The following GGH variants were observed in gnomAD, a reference collection of about 807,000 sequenced individuals.
GGH encodes the protein gamma-Glu-X carboxypeptidase.
A neutral mutation model predicts 39.2 loss-of-function variants in GGH; 18 were observed. The observed-to-expected ratio is 0.46, with a 90% confidence interval of 0.32 to 0.68. The LOEUF (loss-of-function observed/expected upper bound fraction) is 0.68, where lower values mean the gene tolerates loss of function less well. GGH is among the 30% of genes least tolerant of loss of function. GGH has a pLI of 0.04. For synonymous variants in GGH, 147 were observed against 138.8 expected, an observed-to-expected ratio of 1.06 and a Z score of -0.42; for missense variants, 367 against 384.1, an observed-to-expected ratio of 0.96 and a Z score of 0.37.
In GGH at chr8:63,035,703, G is replaced by A; in HGVS notation, c.177C>T (p.Ser59=). The change falls in exon 2 of 9, where the codon TCC becomes TCT. Residue 59 remains serine, a synonymous_variant. Transcript: ENST00000260118. ...CTGCAGACTCCAAGTACTTTACATA[G>A]GACGCAGCAATATAGTATCTTCCAT... ...KNYGRYYIAA[S]YVKYLESAGA... is the part of the protein sequence containing the mutation. 6.2e-7 allele frequency: 1 copy of A among 1,612,926 alleles called. No individual in the cohort carries two copies. The highest frequency in any genetic ancestry group is 8.5e-7 in the Non-Finnish European group (1 of 1,179,866).
At chr8:63,028,847 G>C (rs1419203872) in intron 3 of GGH, among the ~76,000 whole-genome samples, 1 of 152,152 alleles carries the variant, frequency 6.6e-6, no homozygotes, top group African/African-American at 2.4e-5. Flanking sequence ...CTCCAAACAG[G>C]AATGCAACTG....
chr8:63,034,877 A>G (rs903874062), intron 2 of GGH, among the ~76,000 whole-genome samples: 1 of 152,216 alleles, frequency 6.6e-6, no homozygotes, highest in South Asian at 2.1e-4. Context: ...TAGATTCATT[A>G]AAATTTTTTT....
At chr8:63,021,868 T>C (rs2129645775) in intron 7 of GGH, among the ~76,000 whole-genome samples, 1 of 152,104 alleles carries the variant, frequency 6.6e-6, no homozygotes, top group Admixed American at 6.5e-5. Flanking sequence ...GAGACGGGGT[T>C]TCGCCATGTT....
rs1563672687 is a variant in GGH, at chr8:63,038,700, C to G, written c.69G>C (p.Leu23=). 8 of 1,583,862 alleles carry G rather than the reference C, an allele frequency of 5.1e-6. No homozygotes were observed. Among genetic ancestry groups the G allele is most frequent in the Non-Finnish European group, 6.9e-6 (8 of 1,164,976 alleles). ...TGGCGGTGTCGCCGTGGGGTCTAGACAGCTCGAGGCTCGCCGCCCCGCAGA... is the reference window on the plus strand; with the variant it reads ...TGGCGGTGTCGCCGTGGGGTCTAGAGAGCTCGAGGCTCGCCGCCCCGCAGA... ...LLLCGAASLE[L]SRPHGDTAKK... The change falls in exon 1 of 9, where the codon CTG becomes CTC. Residue 23 remains leucine, a synonymous_variant. Coordinates refer to ENST00000260118, the MANE Select transcript of GGH (RefSeq NM_003878.3).
At position 63,015,456 on chromosome 8, in the gene GGH, G is replaced by T; in HGVS notation, c.836-3C>A. 6.5e-7 allele frequency: 1 copy of T among 1,529,716 alleles called. No individual in the cohort carries two copies. The highest frequency in any genetic ancestry group is 8.9e-7 in the Non-Finnish European group (1 of 1,126,166). 94.8% of individuals were successfully genotyped at this position (1,529,716 alleles called of 1,614,324 possible). On this transcript the variant is annotated splice_region_variant and splice_polypyrimidine_tract_variant and intron_variant, in intron 8 of 8. Transcript: ENST00000260118. ...AAAATGATGGTTGTTTTTCCGAGCT[G>T]CAAGAAAAAAAGTTAATTTTTAAAA...
intron 2 of GGH, among the ~76,000 whole-genome samples, chr8:63,034,089 C>T (rs963655802): frequency 1.4e-5 from 2 of 147,984 alleles, no homozygotes; most frequent in Non-Finnish European, 3.0e-5. Flanking sequence ...CACTAACATC[C>T]CAGAAGAACA....
chr8:63,036,140 A>G (rs1418333625), intron 1 of GGH, among the ~76,000 whole-genome samples: 1 of 152,170 alleles, frequency 6.6e-6, no homozygotes, highest in Admixed American at 6.5e-5. Context: ...CTGACAACGA[A>G]GCAAAGGAGT....
At chr8:63,023,126 T>A (rs537384391) in intron 7 of GGH, among the ~76,000 whole-genome samples, 1 of 152,168 alleles carries the variant, frequency 6.6e-6, no homozygotes, top group Admixed American at 6.5e-5. Context: ...AAAAACTATT[T>A]ACATTTGCTT....
At chr8:63,037,071 T>G (rs144933878) in intron 1 of GGH, among the ~76,000 whole-genome samples, 1 of 152,202 alleles carries the variant, frequency 6.6e-6, no homozygotes, top group Admixed American at 6.5e-5. Flanking sequence ...TGGAACACTT[T>G]CAGTGTCTCT....
intron 3 of GGH, among the ~76,000 whole-genome samples, chr8:63,029,245 C>G (rs1471166168): frequency 6.6e-6 from 1 of 152,158 alleles, no homozygotes; most frequent in African/African-American, 2.4e-5. Flanking sequence ...TTCACCCCCA[C>G]CTTTAACAAA....
intron 7 of GGH, among the ~76,000 whole-genome samples, chr8:63,019,169 A>G (rs1169205041): frequency 6.6e-6 from 1 of 152,248 alleles, no homozygotes; most frequent in Non-Finnish European, 1.5e-5. Flanking sequence ...TTGTTTCAAG[A>G]AGGAATGAAA....
intron 2 of GGH, among the ~76,000 whole-genome samples, chr8:63,033,705 G>A (rs747331506): frequency 4.2e-4 from 64 of 151,940 alleles, no homozygotes; most frequent in Admixed American, 7.9e-4. Flanking sequence ...GCTGAGGTTT[G>A]GGGTACAAAT....
intron 2 of GGH, among the ~76,000 whole-genome samples, chr8:63,034,730 G>C (rs941082994): frequency 6.6e-6 from 1 of 152,274 alleles, no homozygotes; most frequent in South Asian, 2.1e-4. Context: ...CCACACTGAA[G>C]CAACCCTAAT....
chr8:63,029,402 T>G (rs78315617), intron 3 of GGH, among the ~76,000 whole-genome samples: 75 of 152,296 alleles, frequency 4.9e-4, no homozygotes, highest in African/African-American at 1.7e-3. Flanking sequence ...TTCTATTGAA[T>G]GTACATAGTC....
intron 1 of GGH, among the ~76,000 whole-genome samples, chr8:63,036,648 C>T (rs539838930): frequency 1.3e-5 from 2 of 152,302 alleles, no homozygotes; most frequent in Non-Finnish European, 1.5e-5. Context: ...TAAAACATGA[C>T]ATTTGAGCCA....
rs200069445 is a variant in GGH, at chr8:63,027,583, AAGAC to A, written c.276-322_276-319del. Among the ~76,000 whole-genome samples, 750 of 152,308 alleles carry A rather than the reference AAGAC, an allele frequency of 4.9e-3. 5 individuals are homozygous for A. The highest frequency in any genetic ancestry group is 7.5e-3 in the Admixed American group (115 of 15,288). ...CAAGAGTACACAGAGCTAGACATCA[AAGAC>A]AGACAAAATTCCAGGTATAGCCAGG... On this transcript the variant is annotated intron_variant, in intron 3 of 8. Coordinates refer to ENST00000260118, the MANE Select transcript of GGH (RefSeq NM_003878.3).
rs1418573821 is a variant in GGH, at chr8:63,038,684, C to T, written c.85G>A (p.Asp29Asn). Residue 29 changes from aspartate (D) to asparagine (N), a missense_variant, in exon 1 of 9, where the codon GAC (aspartate) becomes AAC (asparagine). Physicochemically the swap from Asp to Asn is conservative, Grantham distance 23 (BLOSUM62 1). Transcript: ENST00000260118. ...ASLELSRPHG[D>N]TAKKPIIGIL... ...CCGATGATGGGCTTCTTGGCGGTGT[C>T]GCCGTGGGGTCTAGACAGCTCGAGG... 1 of 1,542,304 alleles carries T rather than the reference C, an allele frequency of 6.5e-7. No homozygotes were observed. Among genetic ancestry groups the T allele is most frequent in the Non-Finnish European group, 8.8e-7 (1 of 1,138,096 alleles).
intron 8 of GGH, chr8:63,017,266 C>A: frequency 2.3e-6 from 1 of 429,726 alleles, no homozygotes; most frequent in East Asian, 3.8e-5. Flanking sequence ...AGAATTCTGC[C>A]CACTGAAGCA....
chr8:63,018,875 GT>G (rs1391906688), intron 7 of GGH, among the ~76,000 whole-genome samples: 4 of 152,094 alleles, frequency 2.6e-5, no homozygotes, highest in Non-Finnish European at 4.4e-5. Flanking sequence ...TGGAAAACGT[GT>G]ATTATGAAAA....
Sources: gnomAD v4.1 joint callset for allele counts (sites outside exome capture counted in the v4.1 genomes callset) on GRCh38, gnomAD v4.1.1 for gene constraint, MANE v1.5 for transcripts, NCBI Gene and HGNC (gene_info 2026-07-23, HGNC 2026-07-21) for gene names.